Variants in ZNF609 observed in about 807,000 individuals in gnomAD.
ZNF609 encodes the protein zinc finger protein 609.
A neutral mutation model predicts 109.5 loss-of-function variants in ZNF609; 11 were observed. The observed-to-expected ratio is 0.10, with a 90% CI of 0.06 to 0.17. The LOEUF is 0.17. Among genes scored for constraint, ZNF609 ranks in the 10% least tolerant of loss-of-function variants. The probability of loss-of-function intolerance (pLI) is 1.00; values close to 1 mark genes in which losing one functional copy is unlikely to be tolerated. For missense variants in ZNF609, 1,559 were observed against 1,772.4 expected (o/e 0.88, Z 2.16); for synonymous variants, 646 against 662.0 (o/e 0.98, Z 0.37).
intron 2 of ZNF609, among the ~76,000 whole-genome samples, chr15:64,592,682 C>G (rs918483391): frequency 1.3e-5 from 2 of 150,858 alleles, no homozygotes; most frequent in Admixed American, 6.6e-5. Context: ...TCTGGGAGGC[C>G]AAAGCAGGCA....
At chr15:64,460,258 C>G (rs1485396095), upstream of ZNF609, among the ~76,000 whole-genome samples, 2 of 152,118 alleles carry the variant, frequency 1.3e-5, no homozygotes, top group African/African-American at 2.4e-5. Context: ...AATACTCCCC[C>G]CAGAGACCTC....
rs1373148955 is a variant in ZNF609 at position 64,681,849 on chromosome 15, C to G, written c.*163C>G. ...CAGACCCTTGGCTATCTCACCTCCA[C>G]CAGACCTCCGGACTACCTGACCCTA... On this transcript the variant is annotated 3_prime_UTR_variant, in exon 10 of 10. Transcript: ENST00000326648. 1 of 155,090 alleles carries G rather than the reference C, an allele frequency of 6.4e-6. No homozygotes were observed. The highest frequency in any genetic ancestry group is 1.4e-5 in the Non-Finnish European group (1 of 69,642). The allele number at this position is 155,090 out of a possible 1,614,324, so 9.6% of individuals were successfully genotyped here.
At chr15:64,624,703 ACT>A (rs1466161498) in intron 3 of ZNF609, among the ~76,000 whole-genome samples, 7 of 149,470 alleles carry the variant, frequency 4.7e-5, no homozygotes, top group Non-Finnish European at 1.0e-4. Context: ...GCACTGGAAG[ACT>A]CTCTGTCAGG....
intron 7 of ZNF609, 44 bp downstream of exon 7, chr15:64,680,404 A>G (rs1424989546): frequency 1.2e-6 from 2 of 1,603,446 alleles, no homozygotes; most frequent in Non-Finnish European, 1.7e-6. Flanking sequence ...AAAGACTAGT[A>G]AGGCCAGATC....
At chr15:64,583,905 G>A (rs888244964) in intron 2 of ZNF609, among the ~76,000 whole-genome samples, 2 of 152,150 alleles carry the variant, frequency 1.3e-5, no homozygotes, top group African/African-American at 4.8e-5. Flanking sequence ...TTTGCTAACA[G>A]TTTCTTCACT....
chr15:64,511,455 TG>T (rs1486399401), intron 2 of ZNF609, among the ~76,000 whole-genome samples: 1 of 135,488 alleles, frequency 7.4e-6, no homozygotes, highest in Non-Finnish European at 1.5e-5. Flanking sequence ...CACTCCAGCC[TG>T]GGCAACAAGA....
intron 4 of ZNF609, among the ~76,000 whole-genome samples, chr15:64,673,586 A>G (rs1433849077): frequency 6.6e-6 from 1 of 152,222 alleles, no homozygotes; most frequent in African/African-American, 2.4e-5. Flanking sequence ...TGGACAAGTC[A>G]TTTAGCATGC....
intron 1 of ZNF609, among the ~76,000 whole-genome samples, chr15:64,489,683 C>T (rs1319420168): frequency 6.6e-6 from 1 of 151,940 alleles, no homozygotes; most frequent in African/African-American, 2.4e-5. Flanking sequence ...GCACCCGCCA[C>T]CATGCATGGC....
chr15:64,651,984 TAAA>T (rs148477728), intron 3 of ZNF609, among the ~76,000 whole-genome samples: 1 of 150,146 alleles, frequency 6.7e-6, no homozygotes, highest in Non-Finnish European at 1.5e-5. Flanking sequence ...GTTCAGAAAT[TAAA>T]AAAAAAAAAA....
intron 3 of ZNF609, among the ~76,000 whole-genome samples, chr15:64,645,682 A>G (rs1331146487): frequency 6.6e-6 from 1 of 152,190 alleles, no homozygotes; most frequent in Non-Finnish European, 1.5e-5. Context: ...CAGATCAACA[A>G]TGAAAAACCC....
At chr15:64,602,110 C>T (rs572260217) in intron 2 of ZNF609, among the ~76,000 whole-genome samples, 8 of 151,462 alleles carry the variant, frequency 5.3e-5, no homozygotes, top group Non-Finnish European at 1.2e-4. Flanking sequence ...ATTATCTTCC[C>T]TTCATCTCAT....
At chr15:64,464,148 C>G (rs954164993) in intron 1 of ZNF609, among the ~76,000 whole-genome samples, 1 of 152,126 alleles carries the variant, frequency 6.6e-6, no homozygotes, top group African/African-American at 2.4e-5. Context: ...AATTTTGGCT[C>G]CTGGTAGCAA....
intron 2 of ZNF609, among the ~76,000 whole-genome samples, chr15:64,524,584 G>A (rs1329469404): frequency 1.3e-5 from 2 of 151,358 alleles, no homozygotes; most frequent in Admixed American, 6.6e-5. Context: ...AAAAAGGGGG[G>A]GGCCTTTTGT....
chr15:64,636,338 A>G (rs894082341), intron 3 of ZNF609, among the ~76,000 whole-genome samples: 2 of 152,154 alleles, frequency 1.3e-5, no homozygotes, highest in Non-Finnish European at 2.9e-5. Context: ...GCTATATGAC[A>G]AAAAGGCTAT....
At chr15:64,565,621 A>G (rs2140408504) in intron 2 of ZNF609, among the ~76,000 whole-genome samples, 1 of 152,296 alleles carries the variant, frequency 6.6e-6, no homozygotes, top group East Asian at 1.9e-4. Context: ...AGATTTGGCA[A>G]AAGCATTCAA....
At chr15:64,637,236 G>A (rs1896189758) in intron 3 of ZNF609, among the ~76,000 whole-genome samples, 1 of 152,096 alleles carries the variant, frequency 6.6e-6, no homozygotes, top group South Asian at 2.1e-4. Flanking sequence ...GTTAAACTTT[G>A]TTTATTTTCA....
intron 2 of ZNF609, among the ~76,000 whole-genome samples, chr15:64,526,867 C>G (rs2140368540): frequency 6.6e-6 from 1 of 152,238 alleles, no homozygotes; most frequent in South Asian, 2.1e-4. Flanking sequence ...CCAGTCTAGT[C>G]TCAAACTCTT....
Position 64,675,835 on chromosome 15 carries a change from T to C in ZNF609, c.2981T>C (p.Leu994Pro). 1 of 1,614,194 alleles carries C rather than the reference T, an allele frequency of 6.2e-7. No individual in the cohort carries two copies. Among genetic ancestry groups the C allele is most frequent in the Non-Finnish European group, 8.5e-7 (1 of 1,180,042 alleles). ...AGCGACCAGAGTTACCACACCCACCTTCTGAGCACTAACACGGCTTACCGG... is the reference window on the plus strand; with the variant it reads ...AGCGACCAGAGTTACCACACCCACCCTCTGAGCACTAACACGGCTTACCGG... ...GYSDQSYHTH[L>P]LSTNTAYRQQ... is the part of the protein sequence containing the mutation. Residue 994 changes from leucine to proline, a missense_variant, in exon 5 of 10, where the codon CTT (leucine) becomes CCT (proline). Around this residue, in one of 4 missense-constraint regions of ZNF609, gnomAD observed 1,204 missense variants for 1,314.1 expected, o/e 0.92. Coordinates refer to ENST00000326648, the MANE Select transcript of ZNF609 (RefSeq NM_015042.2).
At chr15:64,672,766 C>A (rs1040536234) in intron 4 of ZNF609, among the ~76,000 whole-genome samples, 1 of 149,708 alleles carries the variant, frequency 6.7e-6, no homozygotes, top group Non-Finnish European at 1.5e-5. Flanking sequence ...GAGATCGAGA[C>A]CATCCTGGCC....
Sources: gnomAD v4.1 joint callset for allele counts (sites outside exome capture counted in the v4.1 genomes callset) on GRCh38, gnomAD v4.1.1 for gene constraint, gnomAD v4.1.1 regional missense constraint, MANE v1.5 for transcripts, NCBI Gene and HGNC (gene_info 2026-07-23, HGNC 2026-07-21) for gene names.